The following FHIT variants were observed in gnomAD, a reference collection of about 807,000 sequenced individuals.
FHIT encodes the protein fragile histidine triad diadenosine triphosphatase.
FHIT carries 19 observed loss-of-function variants against 17.9 expected under a neutral mutation model. The observed-to-expected ratio is 1.06, with a 90% CI of 0.74 to 1.56. The LOEUF (loss-of-function observed/expected upper bound fraction) is 1.56, where lower values mean the gene tolerates loss of function less well. Among genes scored for constraint, FHIT ranks in the 40% most tolerant of loss-of-function variants. FHIT has a pLI of 0.00. For synonymous variants in FHIT, 81 were observed against 69.7 expected, an observed-to-expected ratio of 1.16 and a Z score of -0.81; for missense variants, 248 against 189.2, an observed-to-expected ratio of 1.31 and a Z score of -1.82.
At chr3:60,882,239 A>T (rs1303393157) in intron 3 of FHIT, among the ~76,000 whole-genome samples, 1 of 152,088 alleles carries the variant, frequency 6.6e-6, no homozygotes, top group Admixed American at 6.6e-5. Context: ...AATTTTAAAA[A>T]TGTTCTATCA....
intron 5 of FHIT, among the ~76,000 whole-genome samples, chr3:60,484,994 A>G (rs1474217170): frequency 2.6e-5 from 4 of 152,222 alleles, no homozygotes; most frequent in Non-Finnish European, 4.4e-5. Flanking sequence ...TGGGCAAAGG[A>G]TATGAACAGA....
chr3:60,836,431 T>C (rs782281984), intron 3 of FHIT, among the ~76,000 whole-genome samples: 3 of 152,204 alleles, frequency 2.0e-5, no homozygotes, highest in Non-Finnish European at 4.4e-5. Flanking sequence ...AGTTTTTAAA[T>C]GATTAATTCA....
chr3:59,944,429 C>T (rs1706692922), intron 7 of FHIT, among the ~76,000 whole-genome samples: 1 of 152,202 alleles, frequency 6.6e-6, no homozygotes, highest in African/African-American at 2.4e-5. Context: ...ACCCCACAAC[C>T]ACTAATCTGT....
chr3:60,417,841 G>T (rs577098403), intron 5 of FHIT, among the ~76,000 whole-genome samples: 1 of 152,160 alleles, frequency 6.6e-6, no homozygotes, highest in Non-Finnish European at 1.5e-5. Context: ...GGCTGTAATG[G>T]ATCCCAGAGG....
At chr3:60,840,629 T>C (rs1381297917) in intron 3 of FHIT, among the ~76,000 whole-genome samples, 1 of 152,216 alleles carries the variant, frequency 6.6e-6, no homozygotes. Flanking sequence ...TTAGAATTGA[T>C]TGTACACTTT....
chr3:60,292,686 A>C (rs1429181662), intron 5 of FHIT, among the ~76,000 whole-genome samples: 1 of 152,166 alleles, frequency 6.6e-6, no homozygotes, highest in Non-Finnish European at 1.5e-5. Flanking sequence ...GACACCAACT[A>C]ACGAAGACAG....
At chr3:60,381,848 G>A (rs999130048) in intron 5 of FHIT, among the ~76,000 whole-genome samples, 1 of 151,872 alleles carries the variant, frequency 6.6e-6, no homozygotes, top group Non-Finnish European at 1.5e-5. Context: ...GGCGTGTTCA[G>A]AACACCCACA....
intron 2 of FHIT, among the ~76,000 whole-genome samples, chr3:61,094,506 T>A (rs2035579321): frequency 6.6e-6 from 1 of 152,176 alleles, no homozygotes; most frequent in Non-Finnish European, 1.5e-5. Flanking sequence ...TCCCTGGTTA[T>A]CCGCAGGACA....
intron 8 of FHIT, among the ~76,000 whole-genome samples, chr3:59,841,532 C>T (rs1701533490): frequency 6.6e-6 from 1 of 152,192 alleles, no homozygotes; most frequent in Non-Finnish European, 1.5e-5. Flanking sequence ...CAGGGCTCCC[C>T]ACTGGCTTGG....
chr3:60,605,457 G>A (rs971663077), intron 4 of FHIT, among the ~76,000 whole-genome samples: 4 of 152,114 alleles, frequency 2.6e-5, no homozygotes, highest in Non-Finnish European at 5.9e-5. Flanking sequence ...AGAAGTGTAC[G>A]GATTAGGACA....
chr3:60,084,486 G>A (rs1418069315), intron 5 of FHIT, among the ~76,000 whole-genome samples: 1 of 152,048 alleles, frequency 6.6e-6, no homozygotes, highest in Non-Finnish European at 1.5e-5. Context: ...TAGGATCTAG[G>A]TGGAAAAACA....
intron 2 of FHIT, among the ~76,000 whole-genome samples, chr3:61,066,970 A>G (rs9834182): frequency 0.55 from 83,150 of 152,050 alleles, 23,804 homozygotes; most frequent in Non-Finnish European, 0.64. Context: ...CCAATTGGTT[A>G]AGCATTGCCT....
intron 2 of FHIT, among the ~76,000 whole-genome samples, chr3:61,190,786 A>G (rs1171011017): frequency 6.6e-6 from 1 of 152,152 alleles, no homozygotes; most frequent in African/African-American, 2.4e-5. Flanking sequence ...TTGTAGGGAC[A>G]TGGATGAAGC....
chr3:60,593,490 C>T (rs1358330682), intron 4 of FHIT, among the ~76,000 whole-genome samples: 1 of 152,112 alleles, frequency 6.6e-6, no homozygotes, highest in Admixed American at 6.6e-5. Context: ...CAGGATTTCA[C>T]CCCCTGCCCC....
intron 5 of FHIT, among the ~76,000 whole-genome samples, chr3:60,051,983 A>G (rs866303303): frequency 6.6e-6 from 1 of 152,138 alleles, no homozygotes; most frequent in African/African-American, 2.4e-5. Flanking sequence ...CAATGGATAG[A>G]TATCAGATGT....
At chr3:60,987,117 T>C (rs1710751439) in intron 3 of FHIT, among the ~76,000 whole-genome samples, 1 of 152,176 alleles carries the variant, frequency 6.6e-6, no homozygotes, top group Non-Finnish European at 1.5e-5. Context: ...GGGTCTAACA[T>C]CAAATTGCCT....
At chr3:60,435,113 C>T (rs186938408) in intron 5 of FHIT, among the ~76,000 whole-genome samples, 11 of 152,262 alleles carry the variant, frequency 7.2e-5, no homozygotes, top group Admixed American at 2.0e-4. Context: ...CAGCAGCAGG[C>T]CATTAGCATG....
chr3:59,890,411 C>T (rs11924368), intron 8 of FHIT, among the ~76,000 whole-genome samples: 10,186 of 152,080 alleles, frequency 0.067, 532 homozygotes, highest in African/African-American at 0.14. Context: ...AAAGGGCTGC[C>T]CGTGAAACTT....
At chr3:61,217,362 T>G (rs1418131315) in intron 1 of FHIT, among the ~76,000 whole-genome samples, 1 of 152,180 alleles carries the variant, frequency 6.6e-6, no homozygotes, top group Non-Finnish European at 1.5e-5. Flanking sequence ...TGAAGACTCA[T>G]GCCCTCACAT....
Sources: gnomAD v4.1 joint callset for allele counts (sites outside exome capture counted in the v4.1 genomes callset) on GRCh38, gnomAD v4.1.1 for gene constraint, MANE v1.5 for transcripts, NCBI Gene and HGNC (gene_info 2026-07-23, HGNC 2026-07-21) for gene names.